The following MYO16 variants were observed in gnomAD, a reference collection of about 807,000 sequenced individuals.
MYO16 encodes unconventional myosin-XVI.
Under a neutral mutation model 205.3 loss-of-function variants are expected in MYO16, and 94 were observed. The ratio of observed to expected loss-of-function variants is 0.46; its 90% CI spans 0.39 to 0.54. The LOEUF (loss-of-function observed/expected upper bound fraction) is 0.54. MYO16 is among the 20% of genes least tolerant of loss of function. The pLI, the probability that MYO16 is intolerant of heterozygous loss-of-function variation, is 0.00. For missense variants in MYO16, 2,315 were observed against 2,387.5 expected, an observed-to-expected ratio of 0.97 and a Z score of 0.63; for synonymous variants, 988 against 954.0, an observed-to-expected ratio of 1.04 and a Z score of -0.66.
At chr13:108,740,432 G>A (rs1263780319) in intron 4 of MYO16, among the ~76,000 whole-genome samples, 1 of 152,150 alleles carries the variant, frequency 6.6e-6, no homozygotes, top group African/African-American at 2.4e-5. Context: ...TATCAGCAGT[G>A]GAGGCCGCAG....
chr13:108,562,624 C>T, the MYO16 span, among the ~76,000 whole-genome samples: 2 of 152,130 alleles, frequency 1.3e-5, no homozygotes, highest in Admixed American at 1.3e-4. Flanking sequence ...GGCATAGATA[C>T]AGTCACATGC....
intron 11 of MYO16, among the ~76,000 whole-genome samples, chr13:108,858,592 A>G (rs1594349342): frequency 6.6e-6 from 1 of 151,904 alleles, no homozygotes; most frequent in East Asian, 1.9e-4. Flanking sequence ...GGCCACCCCC[A>G]CTGCTGCCTC....
At chr13:108,935,649 A>G (rs773386717) in intron 16 of MYO16, among the ~76,000 whole-genome samples, 1 of 152,062 alleles carries the variant, frequency 6.6e-6, no homozygotes, top group African/African-American at 2.4e-5. Context: ...TTCTGGTACT[A>G]TGAAGTCCTA....
In MYO16 at chr13:109,127,347, A is replaced by T; in HGVS notation, c.3848A>T (p.Asp1283Val). The T allele has an allele frequency of 1.2e-6, 2 of 1,612,642 alleles. No homozygotes were observed. The highest frequency in any genetic ancestry group is 1.7e-6 in the Non-Finnish European group (2 of 1,178,948). ...TCCATGTCAGTCTGCGCGGCCGTGG[A>T]TGGCCTGGGCCAGTGCCTCGTTGGC... ...PSSMSVCAAV[D>V]GLGQCLVGPS... is the part of the protein sequence containing the mutation. Residue 1283 changes from aspartate (D) to valine (V), a missense_variant, in exon 31 of 35, where the codon GAT becomes GTT. Asp to Val is a radical substitution (Grantham distance 152). Transcript: ENST00000457511. The surrounding 1 kb of genome is among the most constrained non-coding windows in gnomAD (Gnocchi z 4.2).
chr13:108,537,827 G>A, the MYO16 span, among the ~76,000 whole-genome samples: 6 of 151,860 alleles, frequency 4.0e-5, no homozygotes, highest in East Asian at 1.2e-3. Context: ...GTCTGTTCAT[G>A]TCCTTTGCCC....
intron 11 of MYO16, among the ~76,000 whole-genome samples, chr13:108,859,116 T>C (rs1878334125): frequency 6.6e-6 from 1 of 152,180 alleles, no homozygotes; most frequent in African/African-American, 2.4e-5. Flanking sequence ...CTCTCTAACA[T>C]ACTGTATATT....
chr13:108,703,987 T>A (rs1883405950), intron 2 of MYO16, among the ~76,000 whole-genome samples: 1 of 152,186 alleles, frequency 6.6e-6, no homozygotes, highest in Non-Finnish European at 1.5e-5. Context: ...ACGCACAGTG[T>A]GTGCCATCAG....
rs374610048 is a variant in MYO16 at position 109,067,972 on chromosome 13, C to T, written c.3335+12377C>T. On this transcript the variant is annotated intron_variant, in intron 27 of 34. Coordinates refer to ENST00000457511, the MANE Select transcript of MYO16 (RefSeq NM_001198950.3). ...AACCTAACGACCTCTGAAACAAATA[C>T]GCAAAGCTGACCAGCCCAAATGATT... is the stretch of plus-strand genomic sequence containing the variant. 2.6e-5 allele frequency among the ~76,000 whole-genome samples: 4 copies of T among 152,156 alleles called. No homozygotes were observed. The East Asian group carries it at 5.8e-4, about 22-fold the overall frequency.
intron 3 of MYO16, among the ~76,000 whole-genome samples, chr13:108,723,500 A>G (rs955000207): frequency 6.6e-6 from 1 of 152,096 alleles, no homozygotes; most frequent in Non-Finnish European, 1.5e-5. Context: ...TAATATTTTT[A>G]TATAGGACAA....
In MYO16 at chr13:109,173,947, TG is replaced by T. The variant is rs1555338661; in HGVS notation, c.5324-5586del. On this transcript the variant is annotated intron_variant, in intron 33 of 34. Coordinates refer to ENST00000457511, the MANE Select transcript of MYO16 (RefSeq NM_001198950.3). ...TCTGAAAGGGTTGTCCTTGTTTTGA[TG>T]GGGGGGGGTACTCTCTGCTGTTTTG... Among the ~76,000 whole-genome samples the T allele has an allele frequency of 9.7e-4, 112 of 115,232 alleles. 1 individual carries two copies. The highest frequency in any genetic ancestry group is 4.5e-3 in the Middle Eastern group (1 of 224). The allele number at this position is 115,232 out of a possible 152,430, so 75.6% of individuals were successfully genotyped here.
At chr13:108,889,323 A>G (rs1880052911) in intron 14 of MYO16, among the ~76,000 whole-genome samples, 1 of 152,230 alleles carries the variant, frequency 6.6e-6, no homozygotes, top group Non-Finnish European at 1.5e-5. Flanking sequence ...TGATTCAAGG[A>G]GGAAGCAAAA....
chr13:108,606,732 A>G (rs1422935459), intron 1 of MYO16, among the ~76,000 whole-genome samples: 1 of 152,180 alleles, frequency 6.6e-6, no homozygotes, highest in Non-Finnish European at 1.5e-5. Context: ...TGGAGCTATG[A>G]GAAGAGGGCC....
chr13:108,563,307 G>GCACT, the MYO16 span, among the ~76,000 whole-genome samples: 3 of 152,224 alleles, frequency 2.0e-5, no homozygotes, highest in Non-Finnish European at 4.4e-5. Flanking sequence ...ATCCCCTCAA[G>GCACT]CACTTATCCT....
chr13:108,833,572 A>G (rs1387592379), intron 9 of MYO16, among the ~76,000 whole-genome samples: 1 of 152,132 alleles, frequency 6.6e-6, no homozygotes, highest in African/African-American at 2.4e-5. Flanking sequence ...ATCTCAATAG[A>G]TTCCATTTTA....
At chr13:108,769,026 GTATT>G (rs1470672068) in intron 4 of MYO16, among the ~76,000 whole-genome samples, 12 of 152,112 alleles carry the variant, frequency 7.9e-5, no homozygotes, top group Non-Finnish European at 1.2e-4. Flanking sequence ...TATTAATAAT[GTATT>G]TATTCACTTA....
intron 16 of MYO16, among the ~76,000 whole-genome samples, chr13:108,948,729 C>T: frequency 6.6e-6 from 1 of 152,234 alleles, no homozygotes; most frequent in Middle Eastern, 3.2e-3. Flanking sequence ...TGAAAGAAAT[C>T]TCCAGTGTGG....
At chr13:109,129,071 C>CTTT (rs372300769) in intron 31 of MYO16, among the ~76,000 whole-genome samples, 1 of 128,220 alleles carries the variant, frequency 7.8e-6, no homozygotes. Flanking sequence ...TGCGCCAGGC[C>CTTT]TTTTTTTTTT....
chr13:108,869,460 C>T (rs1878904269), intron 12 of MYO16, among the ~76,000 whole-genome samples: 2 of 151,778 alleles, frequency 1.3e-5, no homozygotes, highest in Non-Finnish European at 2.9e-5. Context: ...CGCGGTGGCT[C>T]ACTCCTGTAA....
At chr13:108,910,965 C>A (rs1323181163) in intron 16 of MYO16, among the ~76,000 whole-genome samples, 1 of 149,968 alleles carries the variant, frequency 6.7e-6, no homozygotes, top group South Asian at 2.1e-4. Context: ...ATTATTAGAT[C>A]TAGGGGAACA....
Sources: allele counts gnomAD v4.1 joint callset (sites outside exome capture counted in the v4.1 genomes callset), GRCh38; gene constraint gnomAD v4.1.1; non-coding constraint Gnocchi (gnomAD v3.1); transcripts MANE v1.5; gene names NCBI Gene and HGNC (gene_info 2026-07-23, HGNC 2026-07-21).